Variants in MYO5C observed in about 807,000 individuals in gnomAD.
The protein encoded by MYO5C is myosin VC, also known as unconventional myosin-Vc.
Under a neutral mutation model 235.7 loss-of-function variants are expected in MYO5C, and 194 were observed. The ratio of observed to expected loss-of-function variants is 0.82; its 90% CI spans 0.73 to 0.93. The LOEUF is 0.93. Among genes scored for constraint, MYO5C ranks in the 40% least tolerant of loss-of-function variants. The probability of loss-of-function intolerance (pLI) is 0.00; values close to 1 mark genes in which losing one functional copy is unlikely to be tolerated. For missense variants in MYO5C, 2,038 were observed against 2,127.2 expected, an observed-to-expected ratio of 0.96 and a Z score of 0.82; for synonymous variants, 707 against 754.8, an observed-to-expected ratio of 0.94 and a Z score of 1.04.
intron 19 of MYO5C, chr15:52,243,256 G>A (rs140412667): frequency 5.9e-5 from 9 of 152,676 alleles, no homozygotes; most frequent in African/African-American, 1.7e-4. Context: ...GGAAGGAGGT[G>A]GGAGGTGGAG....
chr15:52,274,576 C>T (rs939537479), intron 5 of MYO5C, among the ~76,000 whole-genome samples: 6 of 152,064 alleles, frequency 3.9e-5, no homozygotes, highest in Non-Finnish European at 5.9e-5. Flanking sequence ...CCGCACCCAG[C>T]CTTGATAACT....
rs555264878 is a variant in MYO5C at position 52,218,563 on chromosome 15, A to C, written c.3910T>G (p.Cys1304Gly). Residue 1304 changes from cysteine to glycine, a missense_variant, in exon 32 of 41, where the codon TGT (cysteine) becomes GGT (glycine). Coordinates refer to ENST00000261839, the MANE Select transcript of MYO5C (RefSeq NM_018728.4). ...CGGGATGCTTCCTGCCGGAAGTTACACTTGACTTCACTTTCAGTTTCAAAT... is the reference window on the plus strand; with the variant it reads ...CGGGATGCTTCCTGCCGGAAGTTACCCTTGACTTCACTTTCAGTTTCAAAT... ...KQFETESEVK[C>G]NFRQEASRLT... 1.1e-5 allele frequency: 18 copies of C among 1,614,114 alleles called. No individual in the cohort carries two copies. The highest frequency in any genetic ancestry group is 1.4e-5 in the Non-Finnish European group (16 of 1,180,050).
rs1476712124 is a variant in MYO5C at position 52,267,929 on chromosome 15, C to A, written c.940+1824G>T. ...GTCCCCTCCTCACGCACCAAGCCCC[C>A]TCTCCATGGAGTACATTATACAAAG... On this transcript the variant is annotated intron_variant, in intron 8 of 40. Coordinates refer to ENST00000261839, the MANE Select transcript of MYO5C (RefSeq NM_018728.4). Among the ~76,000 whole-genome samples, 3 of 152,178 alleles carry A rather than the reference C, an allele frequency of 2.0e-5. No individual in the cohort carries two copies. The East Asian group carries it at 5.8e-4, about 29-fold the overall frequency.
Position 52,192,657 on chromosome 15 carries a change from T to G in MYO5C, c.*1245A>C, listed in dbSNP as rs941491396. ...TCTGAAAGGAAGGAATGAGAAGGTGTGCCGGGACAAGGAATAGCCAGTTCC... is the reference window on the plus strand; with the variant it reads ...TCTGAAAGGAAGGAATGAGAAGGTGGGCCGGGACAAGGAATAGCCAGTTCC... On this transcript the variant is annotated 3_prime_UTR_variant, in exon 41 of 41. Coordinates refer to ENST00000261839, the MANE Select transcript of MYO5C (RefSeq NM_018728.4). 5 of 152,162 alleles carry G rather than the reference T, an allele frequency of 3.3e-5. No individual in the cohort carries two copies. The highest frequency in any genetic ancestry group is 9.7e-5 in the African/African-American group (4 of 41,430). 9.4% of individuals were successfully genotyped at this position (152,162 alleles called of 1,614,324 possible). A position where few individuals can be genotyped will look rare whatever the true frequency, so the allele number is the denominator to read the frequency against.
rs111406562 is a variant in MYO5C at position 52,198,735 on chromosome 15, C to G, written c.4821-2252G>C. 1.8e-3 allele frequency among the ~76,000 whole-genome samples: 277 copies of G among 152,116 alleles called. 4 individuals carry two copies. Among genetic ancestry groups the G allele is most frequent in the African/African-American group, 5.1e-3 (213 of 41,478 alleles). On this transcript the variant is annotated intron_variant, in intron 38 of 40. Transcript: ENST00000261839. ...TAGGTGGGACTACAGGCGCCTGCCA[C>G]CACGCCTGGCTAATTTTTGTATTTT...
intron 12 of MYO5C, among the ~76,000 whole-genome samples, chr15:52,252,557 C>A (rs184453498): frequency 6.6e-6 from 1 of 151,812 alleles, no homozygotes; most frequent in African/African-American, 2.4e-5. Flanking sequence ...AGGCGGATCA[C>A]GAGGTCAGGA....
Position 52,244,346 on chromosome 15 carries a change from T to A in MYO5C, c.2390+10A>T. 1 of 1,609,912 alleles carries A rather than the reference T, an allele frequency of 6.2e-7. No homozygotes were observed. Among genetic ancestry groups the A allele is most frequent in the Non-Finnish European group, 8.5e-7 (1 of 1,177,754 alleles). On this transcript the variant is annotated intron_variant, in intron 19 of 40. Coordinates refer to ENST00000261839, the MANE Select transcript of MYO5C (RefSeq NM_018728.4). Reference sequence around the variant, plus strand: ...CACAGTTCCACATGTGTTCCTTGATTCCAACATACCTCACAGTTTGCTGAC... The same window carrying A: ...CACAGTTCCACATGTGTTCCTTGATACCAACATACCTCACAGTTTGCTGAC...
In MYO5C at chr15:52,195,494, AAAT is replaced by A. The variant is rs1001465154; in HGVS notation, c.4996-40_4996-38del. On this transcript the variant is annotated intron_variant, in intron 39 of 40. Coordinates refer to ENST00000261839, the MANE Select transcript of MYO5C (RefSeq NM_018728.4). ...ACATAACATGGTGTTAGACCATGCAAAATAATAACTCTGTTCATAAAATAATGG... is the reference window on the plus strand; with the variant it reads ...ACATAACATGGTGTTAGACCATGCAAAATAACTCTGTTCATAAAATAATGG... The A allele has an allele frequency of 2.9e-6, 4 of 1,374,264 alleles. No individual in the cohort carries two copies. In the African/African-American group the frequency reaches 5.9e-5, roughly 20 times the overall value. 85.1% of individuals were successfully genotyped at this position (1,374,264 alleles called of 1,614,324 possible).
intron 4 of MYO5C, among the ~76,000 whole-genome samples, chr15:52,278,662 G>A (rs2037099739): frequency 6.6e-6 from 1 of 152,178 alleles, no homozygotes; most frequent in Non-Finnish European, 1.5e-5. Context: ...TACCTTGAAG[G>A]AACAAAACCC....
At chr15:52,194,157 T>G (rs963355176) in intron 40 of MYO5C, 103 bp from the exon 41 acceptor site, 2 of 1,060,142 alleles carry the variant, frequency 1.9e-6, no homozygotes, top group African/African-American at 3.2e-5. Flanking sequence ...AGTGGAGAGC[T>G]CCTTGCACCA....
chr15:52,254,439 C>T (rs929403073), intron 11 of MYO5C, among the ~76,000 whole-genome samples: 5 of 152,086 alleles, frequency 3.3e-5, no homozygotes, highest in African/African-American at 1.2e-4. Context: ...GGAGGGTAAG[C>T]GGGCTGAGAG....
intron 11 of MYO5C, among the ~76,000 whole-genome samples, chr15:52,255,657 C>A (rs1410844007): frequency 6.6e-6 from 1 of 152,072 alleles, no homozygotes; most frequent in Non-Finnish European, 1.5e-5. Flanking sequence ...GTTGGGAATT[C>A]AAAAGTGAAT....
chr15:52,219,826 T>G lies in MYO5C; in HGVS notation c.3722-4A>C. ...TTAGACAATTCTTCTAGTTTTCCTA[T>G]AATGAGAAGAACTGTCAGTACTTTG... On this transcript the variant is annotated splice_polypyrimidine_tract_variant and splice_region_variant and intron_variant, in intron 30 of 40. Transcript: ENST00000261839. 6.2e-7 allele frequency: 1 copy of G among 1,608,116 alleles called. No homozygotes were observed. Among genetic ancestry groups the G allele is most frequent in the Non-Finnish European group, 8.5e-7 (1 of 1,175,580 alleles).
At chr15:52,247,136 A>C in intron 15 of MYO5C, 122 bp from the exon 16 acceptor site, 1 of 789,596 alleles carries the variant, frequency 1.3e-6, no homozygotes, top group Non-Finnish European at 2.1e-6. Context: ...TCATGCATAA[A>C]CACCTATTAT....
intron 32 of MYO5C, among the ~76,000 whole-genome samples, chr15:52,216,212 T>G (rs11636051): frequency 0.69 from 104,957 of 152,016 alleles, 38,433 homozygotes; most frequent in Non-Finnish European, 0.82. Flanking sequence ...ATTATTATTA[T>G]TATTAGTAGT....
At chr15:52,199,822 G>A (rs1022938070) in intron 38 of MYO5C, among the ~76,000 whole-genome samples, 4 of 152,116 alleles carry the variant, frequency 2.6e-5, no homozygotes, top group African/African-American at 9.7e-5. Context: ...TTCTCTCTTT[G>A]CCCTCACCAT....
At chr15:52,233,944 AG>A (rs1433146863) in intron 23 of MYO5C, among the ~76,000 whole-genome samples, 1 of 152,150 alleles carries the variant, frequency 6.6e-6, no homozygotes, top group Non-Finnish European at 1.5e-5. Flanking sequence ...ACAGTTTAAT[AG>A]TTTGTCTAAC....
In MYO5C at chr15:52,229,196, C is replaced by G; in HGVS notation, c.3144G>C (p.Glu1048Asp). ...DEKMQLQHLV[E>D]GEHVTSDGLK... ...AGCCATCAGAAGTGACGTGCTCCCC[C>G]TCCACCAGGTGTTGGAGTTGCATCT... Residue 1048 changes from glutamate to aspartate, a missense_variant, in exon 25 of 41, where the codon GAG becomes GAC. Transcript: ENST00000261839. 3 of 1,614,242 alleles carry G rather than the reference C, an allele frequency of 1.9e-6. No individual in the cohort carries two copies. Among genetic ancestry groups the G allele is most frequent in the Non-Finnish European group, 2.5e-6 (3 of 1,180,050 alleles).
At chr15:52,283,155 G>A (rs924433981) in intron 1 of MYO5C, among the ~76,000 whole-genome samples, 4 of 152,094 alleles carry the variant, frequency 2.6e-5, no homozygotes, top group Non-Finnish European at 4.4e-5. Flanking sequence ...AAAGAAATCC[G>A]CGAGTCCCTT....
Sources: allele counts gnomAD v4.1 joint callset (sites outside exome capture counted in the v4.1 genomes callset), GRCh38; gene constraint gnomAD v4.1.1; transcripts MANE v1.5; gene names NCBI Gene and HGNC (gene_info 2026-07-23, HGNC 2026-07-21).